The following SCAP variants were observed in gnomAD, a reference collection of about 807,000 sequenced individuals.
SCAP encodes SREBF chaperone, also known as sterol regulatory element-binding protein cleavage-activating protein.
A neutral mutation model predicts 123.6 loss-of-function variants in SCAP; 65 were observed. That is an observed-to-expected ratio of 0.53 (90% CI 0.43 to 0.65). The LOEUF (loss-of-function observed/expected upper bound fraction) is 0.65, where lower values mean the gene tolerates loss of function less well. SCAP is among the 30% of genes least tolerant of loss of function. SCAP has a pLI of 0.00. For missense variants in SCAP, 1,398 were observed against 1,712.5 expected (o/e 0.82, Z 3.24); for synonymous variants, 740 against 726.3 (o/e 1.02, Z -0.30).
At chr3:47,424,509 GAGA>G (rs772495181) in intron 8 of SCAP, among the ~76,000 whole-genome samples, 129 of 152,348 alleles carry the variant, frequency 8.5e-4, no homozygotes, top group Non-Finnish European at 1.6e-3. Context: ...GCTGTGTGTG[GAGA>G]AGAACGACTG....
At chr3:47,415,404 C>T (rs759305791) in intron 18 of SCAP, among the ~76,000 whole-genome samples, 1 of 152,154 alleles carries the variant, frequency 6.6e-6, no homozygotes, top group African/African-American at 2.4e-5. Flanking sequence ...GATAAGAGTA[C>T]CCACCTCACA....
rs143267790 is a variant in SCAP at position 47,428,956 on chromosome 3, C to T, written c.253-286G>A. 1,600 of 329,044 alleles carry T rather than the reference C, an allele frequency of 4.9e-3. 4 individuals carry two copies. Among genetic ancestry groups the T allele is most frequent in the Non-Finnish European group, 7.3e-3 (1,294 of 177,756 alleles). The allele number at this position is 329,044 out of a possible 1,614,324, so 20.4% of individuals were successfully genotyped here. On this transcript the variant is annotated intron_variant, in intron 3 of 22. Transcript: ENST00000265565. ...AGAATGAGCTTGCCGATGTCACAGC[C>T]TGAATTTCCACTGCCATGTTTCATA...
chr3:47,421,761 TCAG>T (rs1705910551), intron 10 of SCAP, among the ~76,000 whole-genome samples: 1 of 152,202 alleles, frequency 6.6e-6, no homozygotes, highest in Non-Finnish European at 1.5e-5. Flanking sequence ...CCCCCATCCC[TCAG>T]CTGGCCTGCC....
rs573482964 is a variant in SCAP, at chr3:47,429,266, G to A, written c.253-596C>T. 2.0e-5 allele frequency among the ~76,000 whole-genome samples: 3 copies of A among 152,346 alleles called. No individual in the cohort carries two copies. The East Asian group carries it at 5.8e-4, about 29-fold the overall frequency. ...ATTGGCTTCTAGCACATTGGGCAGCGAGCCTCTTTTGCTCAATAACACATC... is the reference window on the plus strand; with the variant it reads ...ATTGGCTTCTAGCACATTGGGCAGCAAGCCTCTTTTGCTCAATAACACATC... On this transcript the variant is annotated intron_variant, in intron 3 of 22. Coordinates refer to ENST00000265565, the MANE Select transcript of SCAP (RefSeq NM_012235.4).
intron 3 of SCAP, among the ~76,000 whole-genome samples, chr3:47,429,356 C>A (rs1371007431): frequency 3.9e-5 from 6 of 152,224 alleles, no homozygotes; most frequent in Non-Finnish European, 8.8e-5. Flanking sequence ...CAAATCAGGG[C>A]CCATGCCTGT....
At position 47,419,413 on chromosome 3, in the gene SCAP, G is replaced by A. The variant is rs1360899757; in HGVS notation, c.1855C>T (p.Pro619Ser). The change falls in exon 13 of 23, where the codon CCT (proline) becomes TCT (serine). Residue 619 changes from proline (P) to serine (S), a missense_variant. This residue lies in a region of SCAP where 828 missense variants were observed against 882.5 expected (regional missense o/e 0.94). Transcript: ENST00000265565. This position sits in a 1 kb window ranked among gnomAD's most constrained non-coding sequence, Gnocchi z 5.0. ...TTCCTCCAAAGTTCCTCATCCTCAG[G>A]CCCCCAGGTTACCTCTGGGACTGGG... ...DSPVPEVTWG[P>S]EDEELWRKLS... 1.9e-6 allele frequency: 3 copies of A among 1,613,666 alleles called. No homozygotes were observed. The highest frequency in any genetic ancestry group is 2.5e-6 in the Non-Finnish European group (3 of 1,179,914).
At chr3:47,459,071 C>T (rs939759379) in intron 1 of SCAP, among the ~76,000 whole-genome samples, 2 of 152,340 alleles carry the variant, frequency 1.3e-5, no homozygotes, top group South Asian at 4.1e-4. Flanking sequence ...TCCCAAAGTA[C>T]TGGGATTACA....
chr3:47,475,936 G>A lies in SCAP; in HGVS notation c.-236C>T, dbSNP rs1215006610. On this transcript the variant is annotated 5_prime_UTR_variant, in exon 1 of 23. Coordinates refer to ENST00000265565, the MANE Select transcript of SCAP (RefSeq NM_012235.4). ...CCTCCCTCTCTCTCCTGGCCGCCGG[G>A]TGCCCGCCCCTTCACCTCTCACCTC... The A allele has an allele frequency of 1.3e-5, 2 of 153,490 alleles. No homozygotes were observed. The highest frequency in any genetic ancestry group is 1.3e-4 in the Admixed American group (2 of 15,260). 9.5% of individuals were successfully genotyped at this position (153,490 alleles called of 1,614,324 possible). A position where few individuals can be genotyped will look rare whatever the true frequency, so the allele number is the denominator to read the frequency against.
Position 47,414,357 on chromosome 3 carries a change from A to G in SCAP, c.3417T>C (p.Asp1139=), listed in dbSNP as rs371749768. ...QTMVLASGGQ[D]GAICLWDVLT... ...GTACATCCCACAGGCAGATGGCCCCATCTTGTCCTCCACTGGCCAGCACCA... is the reference window on the plus strand; with the variant it reads ...GTACATCCCACAGGCAGATGGCCCCGTCTTGTCCTCCACTGGCCAGCACCA... The change falls in exon 22 of 23, where the codon GAT becomes GAC. Residue 1139 remains aspartate (D), a synonymous_variant. Transcript: ENST00000265565. 1.2e-5 allele frequency: 19 copies of G among 1,612,796 alleles called. No homozygotes were observed. Among genetic ancestry groups the G allele is most frequent in the Non-Finnish European group, 1.6e-5 (19 of 1,180,008 alleles).
intron 9 of SCAP, among the ~76,000 whole-genome samples, 178 bp downstream of exon 9, chr3:47,423,755 C>T (rs1417171524): frequency 6.6e-6 from 1 of 152,202 alleles, no homozygotes; most frequent in African/African-American, 2.4e-5. Flanking sequence ...CCCCATGGCT[C>T]CCCAGGGCAC....
intron 6 of SCAP, 105 bp downstream of exon 6, chr3:47,427,052 A>AG: frequency 7.7e-6 from 6 of 780,918 alleles, no homozygotes; most frequent in Admixed American, 2.1e-5. Context: ...AAACTCTCCC[A>AG]AGTTTCCAGG....
At chr3:47,415,332 G>T in intron 18 of SCAP, 152 bp from the exon 19 acceptor site, 2 of 633,778 alleles carry the variant, frequency 3.2e-6, no homozygotes, top group Non-Finnish European at 5.2e-6. Flanking sequence ...AGATGCTGGA[G>T]CCAGAGGGCA....
At chr3:47,415,836 G>A in intron 18 of SCAP, among the ~76,000 whole-genome samples, 1 of 152,170 alleles carries the variant, frequency 6.6e-6, no homozygotes. Flanking sequence ...CCAGAGCTGG[G>A]GAAGCCAGTT....
intron 4 of SCAP, among the ~76,000 whole-genome samples, chr3:47,428,272 ATC>A (rs1404323153): frequency 2.6e-5 from 4 of 152,104 alleles, no homozygotes; most frequent in Non-Finnish European, 5.9e-5. Flanking sequence ...CACTGACTCC[ATC>A]TGAGATGTAA....
At chr3:47,461,677 C>T (rs764383957) in intron 1 of SCAP, among the ~76,000 whole-genome samples, 1 of 152,208 alleles carries the variant, frequency 6.6e-6, no homozygotes, top group East Asian at 1.9e-4. Flanking sequence ...GCCCGGGGAA[C>T]ATTTCCATGA....
At chr3:47,466,162 GA>G (rs1313295025) in intron 1 of SCAP, among the ~76,000 whole-genome samples, 5 of 139,194 alleles carry the variant, frequency 3.6e-5, no homozygotes, top group Non-Finnish European at 7.8e-5. Flanking sequence ...AAAAAAGAAA[GA>G]AATTCTCCCC....
chr3:47,423,239 C>T (rs545082587), intron 9 of SCAP, among the ~76,000 whole-genome samples: 2 of 152,338 alleles, frequency 1.3e-5, no homozygotes, highest in East Asian at 3.9e-4. Flanking sequence ...TCCCTTTTCT[C>T]ATTTTCCCTA....
At chr3:47,436,333 C>T (rs1706575852) in intron 2 of SCAP, among the ~76,000 whole-genome samples, 1 of 152,104 alleles carries the variant, frequency 6.6e-6, no homozygotes, top group African/African-American at 2.4e-5. Context: ...GACCTTTCAT[C>T]AAAAAGTTGG....
At chr3:47,434,374 G>A (rs987140581) in intron 3 of SCAP, among the ~76,000 whole-genome samples, 10 of 152,190 alleles carry the variant, frequency 6.6e-5, no homozygotes, top group African/African-American at 1.9e-4. Context: ...AAGCTTCAAT[G>A]AGCTCCAAAT....
Sources: gnomAD v4.1 joint callset for allele counts (sites outside exome capture counted in the v4.1 genomes callset) on GRCh38, gnomAD v4.1.1 for gene constraint, gnomAD v4.1.1 regional missense constraint, Gnocchi (gnomAD v3.1) non-coding constraint, MANE v1.5 for transcripts, NCBI Gene and HGNC (gene_info 2026-07-23, HGNC 2026-07-21) for gene names.